Variants in TUBB2A observed in about 807,000 individuals in gnomAD.
TUBB2A encodes the protein tubulin beta 2A class IIa.
TUBB2A carries 7 observed loss-of-function variants against 33.9 expected under a neutral mutation model. That is an observed-to-expected ratio of 0.21 (90% CI 0.12 to 0.39). TUBB2A has a LOEUF of 0.39. Among genes scored for constraint, TUBB2A ranks in the 10% least tolerant of loss-of-function variants. The pLI is 1.00. For synonymous variants in TUBB2A, 187 were observed against 247.6 expected, an observed-to-expected ratio of 0.76 and a Z score of 2.30; for missense variants, 80 against 593.4, an observed-to-expected ratio of 0.13 and a Z score of 8.99.
chr6:3,155,739 C>A lies in TUBB2A; in HGVS notation c.167-4G>T. 6.2e-7 allele frequency: 1 copy of A among 1,610,660 alleles called. No homozygotes were observed. Among genetic ancestry groups the A allele is most frequent in the Non-Finnish European group, 8.5e-7 (1 of 1,177,116 alleles). ...GCCCGAGGTACATATTTGTTACCTG[C>A]AGGAAATAAGAACTGACTCAGGCCT... On this transcript the variant is annotated splice_region_variant and splice_polypyrimidine_tract_variant and intron_variant, in intron 2 of 3. Coordinates refer to ENST00000333628, the MANE Select transcript of TUBB2A (RefSeq NM_001069.3). The surrounding 1 kb of genome is among the most constrained non-coding windows in gnomAD (Gnocchi z 4.2).
chr6:3,157,513 G>A lies in TUBB2A; in HGVS notation c.-50C>T. ...GCTGGCCCTCGGAGCGGTGCGCGGC[G>A]TGGACCGGCGGGCTGGGCTGCGCAG... On this transcript the variant is annotated 5_prime_UTR_variant, in exon 1 of 4. It adds an upstream start codon to the 5' untranslated region. Coordinates refer to ENST00000333628, the MANE Select transcript of TUBB2A (RefSeq NM_001069.3). 6.9e-7 allele frequency: 1 copy of A among 1,451,608 alleles called. No individual in the cohort carries two copies. Among genetic ancestry groups the A allele is most frequent in the South Asian group, 1.3e-5 (1 of 74,392 alleles). The allele number at this position is 1,451,608 out of a possible 1,614,324, so 89.9% of individuals were successfully genotyped here. A position where few individuals can be genotyped will look rare whatever the true frequency, so the allele number is the denominator to read the frequency against.
At position 3,157,458 on chromosome 6, in the gene TUBB2A, G is replaced by T. The variant is rs1394619110; in HGVS notation, c.6C>A (p.Arg2=). Residue 2 remains arginine, a synonymous_variant, in exon 1 of 4, where the codon CGC becomes CGA. Transcript: ENST00000333628. M[R]EIVHIQAGQC... is the part of the protein sequence containing the mutation. ...GGCCCGCCTGGATGTGCACGATCTC[G>T]CGCATGGTGCCGGCTGCGGAGCGGG... 1.9e-6 allele frequency: 3 copies of T among 1,539,698 alleles called. No individual in the cohort carries two copies. Among genetic ancestry groups the T allele is most frequent in the Non-Finnish European group, 1.7e-6 (2 of 1,149,684 alleles).
At position 3,154,385 on chromosome 6, in the gene TUBB2A, G is replaced by C; in HGVS notation, c.816C>G (p.Pro272=). ...RLHFFMPGFA[P]LTSRGSQQYR... ...ACTGCTGGCTGCCCCGGCTGGTCAG[G>C]GGCGCGAAGCCGGGCATGAAGAAGT... The change falls in exon 4 of 4, where the codon CCC becomes CCG. Residue 272 remains proline, a synonymous_variant. Coordinates refer to ENST00000333628, the MANE Select transcript of TUBB2A (RefSeq NM_001069.3). 1 of 1,449,394 alleles carries C rather than the reference G, an allele frequency of 6.9e-7. No homozygotes were observed. The highest frequency in any genetic ancestry group is 9.2e-7 in the Non-Finnish European group (1 of 1,081,930). The allele number at this position is 1,449,394 out of a possible 1,614,324, so 89.8% of individuals were successfully genotyped here.
intron 1 of TUBB2A, among the ~76,000 whole-genome samples, chr6:3,156,856 CACA>C (rs1762643619): frequency 6.6e-6 from 1 of 152,292 alleles, no homozygotes; most frequent in East Asian, 1.9e-4. Context: ...TGCTGCCTCC[CACA>C]CAGCGGTCGG....
At chr6:3,156,222 C>T (rs775114672) in intron 1 of TUBB2A, 70 bp from the exon 2 acceptor site, 4 of 1,600,310 alleles carry the variant, frequency 2.5e-6, no homozygotes, top group Non-Finnish European at 3.4e-6. Flanking sequence ...TTGTCCTCCT[C>T]CCATGTCCTT....
chr6:3,155,188 AATAC>A lies in TUBB2A; in HGVS notation c.278-269_278-266del, dbSNP rs1762611567. On this transcript the variant is annotated intron_variant, in intron 3 of 3. Coordinates refer to ENST00000333628, the MANE Select transcript of TUBB2A (RefSeq NM_001069.3). The surrounding 1 kb of genome is among the most constrained non-coding windows in gnomAD (Gnocchi z 4.2). ...GGTTAGAAAACTTAATTGGTTCTGAAATACATACATTTTTAAGAGGCATTCTCTT... is the reference window on the plus strand; with the variant it reads ...GGTTAGAAAACTTAATTGGTTCTGAAATACATTTTTAAGAGGCATTCTCTT... 6.7e-6 allele frequency: 6 copies of A among 896,570 alleles called. No homozygotes were observed. The highest frequency in any genetic ancestry group is 5.5e-5 in the South Asian group (3 of 54,782). The allele number at this position is 896,570 out of a possible 1,614,324, so 55.5% of individuals were successfully genotyped here.
rs1409862199 is a variant in TUBB2A, at chr6:3,155,111, A to C, written c.278-188T>G. On this transcript the variant is annotated intron_variant, in intron 3 of 3. Coordinates refer to ENST00000333628, the MANE Select transcript of TUBB2A (RefSeq NM_001069.3). The surrounding 1 kb of genome is among the most constrained non-coding windows in gnomAD (Gnocchi z 4.2). ...TCAAAAACACTGGGGATCATAATAAAGTAAGAAGTAAGTTTAGCTCATCTG... is the reference window on the plus strand; with the variant it reads ...TCAAAAACACTGGGGATCATAATAACGTAAGAAGTAAGTTTAGCTCATCTG... The C allele has an allele frequency of 7.0e-7, 1 of 1,427,844 alleles. No homozygotes were observed. The highest frequency in any genetic ancestry group is 1.4e-5 in the African/African-American group (1 of 69,624). The allele number at this position is 1,427,844 out of a possible 1,614,324, so 88.4% of individuals were successfully genotyped here.
intron 1 of TUBB2A, among the ~76,000 whole-genome samples, chr6:3,156,661 G>A (rs1459296459): frequency 8.5e-5 from 13 of 152,406 alleles, no homozygotes; most frequent in African/African-American, 3.1e-4. Context: ...ACCACCGGAG[G>A]GACTGGGCGA....
chr6:3,155,763 C>A lies in TUBB2A; in HGVS notation c.167-28G>T. ...GCAGGAAATAAGAACTGACTCAGGCCTGTGCTTGGGGAGGGACTCACAGCA... is the reference window on the plus strand; with the variant it reads ...GCAGGAAATAAGAACTGACTCAGGCATGTGCTTGGGGAGGGACTCACAGCA... On this transcript the variant is annotated intron_variant, in intron 2 of 3. Transcript: ENST00000333628. This position sits in a 1 kb window ranked among gnomAD's most constrained non-coding sequence, Gnocchi z 4.2. The A allele has an allele frequency of 6.3e-7, 1 of 1,580,728 alleles. No individual in the cohort carries two copies.
chr6:3,156,492 T>C (rs1762637717), intron 1 of TUBB2A, among the ~76,000 whole-genome samples: 2 of 152,302 alleles, frequency 1.3e-5, no homozygotes, highest in African/African-American at 4.8e-5. Context: ...CAGGCAGGGC[T>C]GAATGCCATT....
At chr6:3,157,349 C>CG in intron 1 of TUBB2A, 58 bp downstream of exon 1, 1 of 1,374,712 alleles carries the variant, frequency 7.3e-7, no homozygotes, top group South Asian at 1.6e-5. Flanking sequence ...GCCCCCGCCC[C>CG]GGCCCCAGCC....
rs952668373 is a variant in TUBB2A, at chr6:3,157,518, C to A, written c.-55G>T. On this transcript the variant is annotated 5_prime_UTR_variant, in exon 1 of 4. Coordinates refer to ENST00000333628, the MANE Select transcript of TUBB2A (RefSeq NM_001069.3). ...CCCTCGGAGCGGTGCGCGGCGTGGA[C>A]CGGCGGGCTGGGCTGCGCAGAGACC... 6.9e-7 allele frequency: 1 copy of A among 1,441,170 alleles called. No homozygotes were observed. The highest frequency in any genetic ancestry group is 9.1e-7 in the Non-Finnish European group (1 of 1,100,264). The allele number at this position is 1,441,170 out of a possible 1,614,324, so 89.3% of individuals were successfully genotyped here.
Position 3,155,913 on chromosome 6 carries a change from T to A in TUBB2A, c.166+131A>T, listed in dbSNP as rs987686375. 3 of 1,489,010 alleles carry A rather than the reference T, an allele frequency of 2.0e-6. No homozygotes were observed. The African/African-American group carries it at 4.2e-5, about 21-fold the overall frequency. The allele number at this position is 1,489,010 out of a possible 1,614,324, so 92.2% of individuals were successfully genotyped here. ...GAATCTTAGGAAACCATAAAACATG[T>A]TTTTCCAGCAGTTGGCATTTGAAAT... On this transcript the variant is annotated intron_variant, in intron 2 of 3. Coordinates refer to ENST00000333628, the MANE Select transcript of TUBB2A (RefSeq NM_001069.3). This position sits in a 1 kb window ranked among gnomAD's most constrained non-coding sequence, Gnocchi z 4.2.
Position 3,155,896 on chromosome 6 carries a change from G to C in TUBB2A, c.166+148C>G. The C allele has an allele frequency of 6.9e-7, 1 of 1,456,800 alleles. No individual in the cohort carries two copies. The highest frequency in any genetic ancestry group is 9.2e-7 in the Non-Finnish European group (1 of 1,087,248). 90.2% of individuals were successfully genotyped at this position (1,456,800 alleles called of 1,614,324 possible). A position where few individuals can be genotyped will look rare whatever the true frequency, so the allele number is the denominator to read the frequency against. On this transcript the variant is annotated intron_variant, in intron 2 of 3. Transcript: ENST00000333628. This position sits in a 1 kb window ranked among gnomAD's most constrained non-coding sequence, Gnocchi z 4.2. ...CCGTGGCAAACAGGCAGGAATCTTA[G>C]GAAACCATAAAACATGTTTTTCCAG...
rs1762605097 is a variant in TUBB2A, at chr6:3,154,850, C to T, written c.351G>A (p.Leu117=). The change falls in exon 4 of 4, where the codon CTG becomes CTA. Residue 117 remains leucine, a synonymous_variant. Transcript: ENST00000333628. ...TCTCTGACTCCTTCCTCACCACATC[C>T]AGGACCGAGTCGACCAGCTCGGCTC... ...TEGAELVDSV[L]DVVRKESESC... The T allele has an allele frequency of 6.2e-7, 1 of 1,613,422 alleles. No individual in the cohort carries two copies.
At chr6:3,156,551 C>A (rs1762639162) in intron 1 of TUBB2A, among the ~76,000 whole-genome samples, 2 of 152,364 alleles carry the variant, frequency 1.3e-5, no homozygotes, top group South Asian at 4.1e-4. Flanking sequence ...CAGGGGGACC[C>A]ACTCTGTGGC....
At chr6:3,157,369 G>T (rs776365762) in intron 1 of TUBB2A, 38 bp downstream of exon 1, 3 of 1,462,508 alleles carry the variant, frequency 2.1e-6, no homozygotes, top group East Asian at 3.1e-5. Flanking sequence ...CCGCACCCTC[G>T]GTCCCAACCC....
chr6:3,154,487 G>A lies in TUBB2A; in HGVS notation c.714C>T (p.Thr238=). ...TCAGCTGGCCCGGGAAGCGCAGGCAGGTGGTGACCCCGCTCATGGTGGCCG... is the reference window on the plus strand; with the variant it reads ...TCAGCTGGCCCGGGAAGCGCAGGCAAGTGGTGACCCCGCTCATGGTGGCCG... ...LVSATMSGVT[T]CLRFPGQLNA... Residue 238 remains threonine (T), a synonymous_variant, in exon 4 of 4, where the codon ACC becomes ACT. Transcript: ENST00000333628. 2 of 1,602,548 alleles carry A rather than the reference G, an allele frequency of 1.2e-6. No homozygotes were observed. The highest frequency in any genetic ancestry group is 4.5e-5 in the East Asian group (2 of 44,366).
chr6:3,155,788 A>G lies in TUBB2A; in HGVS notation c.167-53T>C. The stretch of plus-strand genomic sequence containing the variant: ...CTGTGCTTGGGGAGGGACTCACAGC[A>G]GCATTCAATTCCAGCATCTGAGACA... On this transcript the variant is annotated intron_variant, in intron 2 of 3. Coordinates refer to ENST00000333628, the MANE Select transcript of TUBB2A (RefSeq NM_001069.3). This position sits in a 1 kb window ranked among gnomAD's most constrained non-coding sequence, Gnocchi z 4.2. 1 of 1,477,234 alleles carries G rather than the reference A, an allele frequency of 6.8e-7. No homozygotes were observed. Among genetic ancestry groups the G allele is most frequent in the South Asian group, 1.2e-5 (1 of 85,262 alleles). 91.5% of individuals were successfully genotyped at this position (1,477,234 alleles called of 1,614,324 possible).
Sources: gnomAD v4.1 joint callset for allele counts (sites outside exome capture counted in the v4.1 genomes callset) on GRCh38, gnomAD v4.1.1 for gene constraint, Gnocchi (gnomAD v3.1) non-coding constraint, MANE v1.5 for transcripts, NCBI Gene and HGNC (gene_info 2026-07-23, HGNC 2026-07-21) for gene names.